CNTN4: variants seen among roughly 807,000 people sequenced by gnomAD.
CNTN4 encodes contactin-4.
CNTN4 carries 77 observed loss-of-function variants against 122.5 expected under a neutral mutation model. That is an observed-to-expected ratio of 0.63 (90% CI 0.52 to 0.76). CNTN4 has a LOEUF of 0.76. CNTN4 is among the 30% of genes least tolerant of loss of function. CNTN4 has a pLI of 0.00. For synonymous variants in CNTN4, 512 were observed against 447.0 expected (o/e 1.15, Z -1.83); for missense variants, 1,256 against 1,259.1 (o/e 1.00, Z 0.04).
chr3:2,601,433 T>C (rs1411184105), intron 4 of CNTN4, among the ~76,000 whole-genome samples: 1 of 152,216 alleles, frequency 6.6e-6, no homozygotes, highest in East Asian at 1.9e-4. Flanking sequence ...TAGCCAGTTT[T>C]CTCAGAACCT....
chr3:2,485,379 G>A (rs1411199695), intron 3 of CNTN4, among the ~76,000 whole-genome samples: 2 of 152,250 alleles, frequency 1.3e-5, no homozygotes, highest in East Asian at 3.9e-4. Context: ...GGGCTCCTGA[G>A]TCTAGTGGGG....
At chr3:2,223,855 C>T (rs977061208) in intron 2 of CNTN4, among the ~76,000 whole-genome samples, 23 of 152,088 alleles carry the variant, frequency 1.5e-4, no homozygotes, top group African/African-American at 5.3e-4. Flanking sequence ...TAAGTGCAGC[C>T]ATCCCACAAA....
intron 2 of CNTN4, among the ~76,000 whole-genome samples, chr3:2,177,994 A>C (rs2036832533): frequency 6.6e-6 from 1 of 152,016 alleles, no homozygotes; most frequent in Admixed American, 6.6e-5. Context: ...CATATTCCTA[A>C]ATTTGAATAC....
intron 14 of CNTN4, among the ~76,000 whole-genome samples, chr3:3,006,481 G>C (rs1696660556): frequency 6.6e-6 from 1 of 152,180 alleles, no homozygotes; most frequent in African/African-American, 2.4e-5. Flanking sequence ...ATTTTTGAAA[G>C]AGATAGTGAT....
At chr3:2,908,773 G>A (rs1414734877) in intron 12 of CNTN4, among the ~76,000 whole-genome samples, 1 of 152,206 alleles carries the variant, frequency 6.6e-6, no homozygotes. Context: ...CCCTAAGGGT[G>A]AGTGGGTATC....
chr3:2,586,327 T>C (rs2080202370), intron 4 of CNTN4, among the ~76,000 whole-genome samples: 1 of 152,228 alleles, frequency 6.6e-6, no homozygotes, highest in South Asian at 2.1e-4. Flanking sequence ...AGTCTTGCTC[T>C]TATTGCCCAG....
At chr3:2,411,434 TCTAA>T (rs1393351826) in intron 3 of CNTN4, among the ~76,000 whole-genome samples, 1 of 152,202 alleles carries the variant, frequency 6.6e-6, no homozygotes, top group Non-Finnish European at 1.5e-5. Context: ...CTACCTGAAA[TCTAA>T]CTAAGAGAAT....
chr3:2,654,936 C>A (rs1402213513), intron 4 of CNTN4, among the ~76,000 whole-genome samples: 1 of 152,098 alleles, frequency 6.6e-6, no homozygotes, highest in East Asian at 1.9e-4. Flanking sequence ...TTACATGCAG[C>A]CAAACACTTC....
chr3:2,551,793 A>G (rs2078518322), intron 3 of CNTN4, among the ~76,000 whole-genome samples: 1 of 152,066 alleles, frequency 6.6e-6, no homozygotes, highest in South Asian at 2.1e-4. Context: ...TGCATAATGG[A>G]TTGTGTATTT....
At position 2,813,485 on chromosome 3, in the gene CNTN4, C is replaced by T. The variant is rs563973706; in HGVS notation, c.359-6001C>T. Among the ~76,000 whole-genome samples the T allele has an allele frequency of 4.5e-3, 683 of 151,434 alleles. 3 individuals are homozygous for T. The highest frequency in any genetic ancestry group is 6.0e-3 in the Non-Finnish European group (408 of 67,750). On this transcript the variant is annotated intron_variant, in intron 6 of 24. Transcript: ENST00000418658. ...TTACTGTATCATTTTTCCTTTTTTTCTTTTCTCCCTTCTCTCTGTGGATTC... is the reference window on the plus strand; with the variant it reads ...TTACTGTATCATTTTTCCTTTTTTTTTTTTCTCCCTTCTCTCTGTGGATTC...
chr3:2,520,259 CTTTTTTTTTTT>C (rs397988483), intron 3 of CNTN4, among the ~76,000 whole-genome samples: 815 of 74,460 alleles, frequency 0.011, 9 homozygotes, highest in African/African-American at 0.054. Context: ...TGATTGCTTC[CTTTTTTTTTTT>C]TTTTTTTTTT....
intron 2 of CNTN4, among the ~76,000 whole-genome samples, chr3:2,237,625 A>G (rs529751813): frequency 6.6e-6 from 1 of 152,216 alleles, no homozygotes. Flanking sequence ...CTTATTTAAT[A>G]TAACCTTCTT....
intron 4 of CNTN4, among the ~76,000 whole-genome samples, chr3:2,636,924 G>GTTT (rs57301957): frequency 3.0e-5 from 3 of 98,576 alleles, no homozygotes; most frequent in South Asian, 3.3e-4. Context: ...TTCTTTCTTT[G>GTTT]TTTTTTTTTT....
intron 14 of CNTN4, among the ~76,000 whole-genome samples, chr3:3,019,838 A>G (rs1450675834): frequency 6.7e-6 from 1 of 149,346 alleles, no homozygotes; most frequent in African/African-American, 2.5e-5. Flanking sequence ...TTACACACAT[A>G]TATTGTATAT....
chr3:2,190,302 C>CG (rs2037467535), intron 2 of CNTN4, among the ~76,000 whole-genome samples: 2 of 133,718 alleles, frequency 1.5e-5, no homozygotes, highest in African/African-American at 5.3e-5. Flanking sequence ...CCACATCTGA[C>CG]TTGTGTGTGT....
At position 2,902,220 on chromosome 3, in the gene CNTN4, T is replaced by C. The variant is rs2094182080; in HGVS notation, c.1078-656T>C. Among the ~76,000 whole-genome samples the C allele has an allele frequency of 2.6e-5, 4 of 152,210 alleles. No individual in the cohort carries two copies. The South Asian group carries it at 6.2e-4, about 24-fold the overall frequency. On this transcript the variant is annotated intron_variant, in intron 11 of 24. Coordinates refer to ENST00000418658, the MANE Select transcript of CNTN4 (RefSeq NM_175607.3). ...AGATCCTTTTTGATACTTATGAAAA[T>C]TGACACATAAGTTGTATATCCTCAG... is the stretch of plus-strand genomic sequence containing the variant.
intron 6 of CNTN4, among the ~76,000 whole-genome samples, chr3:2,802,906 A>G (rs1229750010): frequency 6.6e-6 from 1 of 152,232 alleles, no homozygotes; most frequent in Non-Finnish European, 1.5e-5. Flanking sequence ...ACTTCAGGAT[A>G]AAGACGAGTT....
chr3:2,516,504 T>C (rs1326782707), intron 3 of CNTN4, among the ~76,000 whole-genome samples: 1 of 152,132 alleles, frequency 6.6e-6, no homozygotes, highest in African/African-American at 2.4e-5. Context: ...TTCAATTCAA[T>C]ATTACTTAGT....
chr3:2,521,104 G>A (rs753122505), intron 3 of CNTN4, among the ~76,000 whole-genome samples: 2 of 152,034 alleles, frequency 1.3e-5, no homozygotes, highest in African/African-American at 2.4e-5. Context: ...TGGCTGTTTT[G>A]CCCAGCTGAA....
Sources: gnomAD v4.1 joint callset for allele counts (sites outside exome capture counted in the v4.1 genomes callset) on GRCh38, gnomAD v4.1.1 for gene constraint, MANE v1.5 for transcripts, NCBI Gene and HGNC (gene_info 2026-07-23, HGNC 2026-07-21) for gene names.